Variants in HIP1 observed in about 807,000 individuals in gnomAD.
HIP1 encodes the protein huntingtin interacting protein 1.
A neutral mutation model predicts 147.6 loss-of-function variants in HIP1; 65 were observed. That is an observed-to-expected ratio of 0.44 (90% CI 0.36 to 0.54). The LOEUF (loss-of-function observed/expected upper bound fraction) is 0.54, where lower values mean the gene tolerates loss of function less well. HIP1 is among the 20% of genes least tolerant of loss of function. The pLI is 0.00. For synonymous variants in HIP1, 479 were observed against 504.0 expected (o/e 0.95, Z 0.67); for missense variants, 1,061 against 1,299.6 (o/e 0.82, Z 2.82).
At chr7:75,554,387 G>C (rs1794911855) in intron 20 of HIP1, 53 bp downstream of exon 20, 1 of 1,492,952 alleles carries the variant, frequency 6.7e-7, no homozygotes, top group Admixed American at 1.7e-5. Context: ...AGGTGCTTCT[G>C]AACCCTGTCT....
intron 16 of HIP1, among the ~76,000 whole-genome samples, chr7:75,557,351 C>G: frequency 6.6e-6 from 1 of 151,424 alleles, no homozygotes; most frequent in East Asian, 2.0e-4. Flanking sequence ...AACAAACAAA[C>G]AAAAAAAAAC....
intron 8 of HIP1, among the ~76,000 whole-genome samples, chr7:75,572,470 T>C (rs1554496836): frequency 2.0e-5 from 3 of 152,192 alleles, no homozygotes; most frequent in African/African-American, 7.2e-5. Flanking sequence ...CTGCTGATAT[T>C]TGTGCTGTTC....
At chr7:75,629,893 G>C (rs1554508637) in intron 1 of HIP1, among the ~76,000 whole-genome samples, 1 of 152,122 alleles carries the variant, frequency 6.6e-6, no homozygotes, top group African/African-American at 2.4e-5. Context: ...GGTGTAAAAA[G>C]ATTCAGCTTT....
chr7:75,738,742 T>G, intron 1 of HIP1, 59 bp downstream of exon 1: 1 of 1,565,580 alleles, frequency 6.4e-7, no homozygotes, highest in Non-Finnish European at 8.6e-7. Context: ...TCAAAGCCCC[T>G]CCCGGACACC....
chr7:75,602,157 T>A (rs1189452125), intron 1 of HIP1, among the ~76,000 whole-genome samples: 2 of 149,476 alleles, frequency 1.3e-5, no homozygotes, highest in African/African-American at 4.9e-5. Flanking sequence ...CATGCCACCA[T>A]GCCTGGCTAA....
chr7:75,651,057 C>G (rs900085169), intron 1 of HIP1, among the ~76,000 whole-genome samples: 1 of 151,976 alleles, frequency 6.6e-6, no homozygotes, highest in Non-Finnish European at 1.5e-5. Flanking sequence ...TTGAGAGCCA[C>G]GACATGAGCT....
chr7:75,668,344 GAC>G (rs1405104740), intron 1 of HIP1, among the ~76,000 whole-genome samples: 9 of 152,080 alleles, frequency 5.9e-5, no homozygotes, highest in Non-Finnish European at 1.2e-4. Context: ...TTGTTTTTGA[GAC>G]AGAGTTTCAC....
intron 29 of HIP1, among the ~76,000 whole-genome samples, 195 bp from the exon 30 acceptor site, chr7:75,539,626 T>A (rs1794227920): frequency 6.6e-6 from 1 of 152,186 alleles, no homozygotes; most frequent in Non-Finnish European, 1.5e-5. Context: ...AGCCTACATC[T>A]ATCTTATTTT....
chr7:75,648,263 T>G (rs782472694), intron 1 of HIP1, among the ~76,000 whole-genome samples: 1 of 151,342 alleles, frequency 6.6e-6, no homozygotes, highest in South Asian at 2.1e-4. Context: ...GTTGGAGTAG[T>G]TGGGGCTGGT....
At chr7:75,670,449 G>A (rs2696214) in intron 1 of HIP1, among the ~76,000 whole-genome samples, 85,971 of 151,928 alleles carry the variant, frequency 0.57, 24,824 homozygotes, top group African/African-American at 0.66. Flanking sequence ...GTGGGCCACT[G>A]TGCTCATGAG....
rs1554493030 is a variant in HIP1, at chr7:75,555,403, A to G, written c.1963+13T>C. On this transcript the variant is annotated intron_variant, in intron 19 of 30. Coordinates refer to ENST00000336926, the MANE Select transcript of HIP1 (RefSeq NM_005338.7). ...GGACCTGGCCCCTGCCAGCTGGGCAATTGCAAGTGTACCTGCAGACCCAGC... is the reference window on the plus strand; with the variant it reads ...GGACCTGGCCCCTGCCAGCTGGGCAGTTGCAAGTGTACCTGCAGACCCAGC... 3 of 1,613,112 alleles carry G rather than the reference A, an allele frequency of 1.9e-6. No homozygotes were observed. Among genetic ancestry groups the G allele is most frequent in the Non-Finnish European group, 2.5e-6 (3 of 1,179,968 alleles).
rs1294005831 is a variant in HIP1, at chr7:75,644,501, G to T, written c.121-45254C>A. ...GTAGAGATGGGGCTTCACCATGTTG[G>T]CCAGGCTGGTCTTGAACACCTGACC... On this transcript the variant is annotated intron_variant, in intron 1 of 30. Transcript: ENST00000336926. 3.3e-5 allele frequency among the ~76,000 whole-genome samples: 5 copies of T among 152,048 alleles called. No individual in the cohort carries two copies. The South Asian group carries it at 8.3e-4, about 25-fold the overall frequency.
At chr7:75,578,506 T>C (rs1285182226) in intron 7 of HIP1, among the ~76,000 whole-genome samples, 1 of 151,798 alleles carries the variant, frequency 6.6e-6, no homozygotes, top group African/African-American at 2.4e-5. Flanking sequence ...TGAAGCCTTG[T>C]CTCTAAAAAA....
chr7:75,685,957 G>A (rs1295402777), intron 1 of HIP1, among the ~76,000 whole-genome samples: 2 of 151,880 alleles, frequency 1.3e-5, no homozygotes, highest in African/African-American at 2.4e-5. Context: ...GTACAGTGGC[G>A]TGATCTTGGC....
intron 1 of HIP1, among the ~76,000 whole-genome samples, chr7:75,662,018 G>C (rs1188523251): frequency 6.6e-6 from 1 of 150,968 alleles, no homozygotes; most frequent in African/African-American, 2.4e-5. Flanking sequence ...AGTGGACAGG[G>C]TCTCTGAGGA....
At chr7:75,677,739 A>G (rs1799945013) in intron 1 of HIP1, among the ~76,000 whole-genome samples, 1 of 151,830 alleles carries the variant, frequency 6.6e-6, no homozygotes, top group Admixed American at 6.6e-5. Flanking sequence ...GGCCCCACTC[A>G]GTGCTCCAGC....
In HIP1 at chr7:75,537,051, C is replaced by A. The variant is rs1554488824; in HGVS notation, c.*1121G>T. The stretch of plus-strand genomic sequence containing the variant: ...CTGCAGAAAGGAGTTGGGAATCACT[C>A]CCACACTCCGTCTCTGGGCCAAGGG... On this transcript the variant is annotated 3_prime_UTR_variant, in exon 31 of 31. Coordinates refer to ENST00000336926, the MANE Select transcript of HIP1 (RefSeq NM_005338.7). 6.0e-5 allele frequency: 14 copies of A among 232,502 alleles called. No individual in the cohort carries two copies. The Admixed American group carries it at 7.9e-4, about 13-fold the overall frequency. 14.4% of individuals were successfully genotyped at this position (232,502 alleles called of 1,614,324 possible).
chr7:75,540,830 A>G (rs1273537909), intron 29 of HIP1, among the ~76,000 whole-genome samples: 2 of 152,258 alleles, frequency 1.3e-5, no homozygotes, highest in African/African-American at 4.8e-5. Context: ...TTTCTCTTTT[A>G]AAACTAAAAG....
At chr7:75,671,156 C>T (rs782199076) in intron 1 of HIP1, among the ~76,000 whole-genome samples, 2 of 152,084 alleles carry the variant, frequency 1.3e-5, no homozygotes, top group African/African-American at 4.8e-5. Context: ...GGCAATGGAG[C>T]AATCTCGGTT....
Sources: gnomAD v4.1 joint callset for allele counts (sites outside exome capture counted in the v4.1 genomes callset) on GRCh38, gnomAD v4.1.1 for gene constraint, MANE v1.5 for transcripts, NCBI Gene and HGNC (gene_info 2026-07-23, HGNC 2026-07-21) for gene names.